The following ZFHX3 variants were observed in gnomAD, a reference collection of about 807,000 sequenced individuals.
ZFHX3 encodes the protein zinc finger homeobox 3, also known as zinc finger homeobox protein 3.
ZFHX3 carries 42 observed loss-of-function variants against 279.1 expected under a neutral mutation model. That is an observed-to-expected ratio of 0.15 (90% CI 0.12 to 0.19). The LOEUF is 0.19. ZFHX3 is among the 10% of genes least tolerant of loss of function. ZFHX3 has a pLI of 1.00. For synonymous variants in ZFHX3, 2,293 were observed against 1,957.8 expected (o/e 1.17, Z -4.52); for missense variants, 4,981 against 4,754.0 (o/e 1.05, Z -1.40).
chr16:73,510,983 A>C (rs1760422234), intron 2 of ZFHX3, among the ~76,000 whole-genome samples: 1 of 152,236 alleles, frequency 6.6e-6, no homozygotes, highest in Non-Finnish European at 1.5e-5. Flanking sequence ...TTGCAGGTAC[A>C]ACCAGACAGG....
intron 5 of ZFHX3, among the ~76,000 whole-genome samples, chr16:73,247,543 G>C (rs1046150307): frequency 6.6e-6 from 1 of 151,676 alleles, no homozygotes; most frequent in Non-Finnish European, 1.5e-5. Context: ...ATGTGTCTGT[G>C]TCTATGTGCC....
chr16:73,082,434 A>AT (rs1004230673), intron 8 of ZFHX3, among the ~76,000 whole-genome samples: 89 of 151,492 alleles, frequency 5.9e-4, no homozygotes, highest in South Asian at 4.2e-4. Context: ...CGCCCGGCTA[A>AT]TTTTTTTTGT....
chr16:73,321,550 A>G (rs771463476), intron 3 of ZFHX3, among the ~76,000 whole-genome samples: 1 of 152,234 alleles, frequency 6.6e-6, no homozygotes, highest in Non-Finnish European at 1.5e-5. Context: ...ACAGACAAAA[A>G]CGTGACTTTC....
intron 3 of ZFHX3, among the ~76,000 whole-genome samples, chr16:73,373,029 A>G (rs530077504): frequency 3.3e-5 from 5 of 152,258 alleles, no homozygotes; most frequent in African/African-American, 1.2e-4. Context: ...TTGAACATCC[A>G]GAGACACACC....
chr16:73,303,097 T>G (rs927466947), intron 4 of ZFHX3, among the ~76,000 whole-genome samples: 1 of 151,896 alleles, frequency 6.6e-6, no homozygotes, highest in Admixed American at 6.6e-5. Context: ...GATGTGATCA[T>G]AGTGCACTGT....
chr16:73,508,871 T>G (rs1428165413), intron 2 of ZFHX3, among the ~76,000 whole-genome samples: 1 of 152,210 alleles, frequency 6.6e-6, no homozygotes, highest in East Asian at 1.9e-4. Context: ...GTAAGAACTG[T>G]GCTGAGTGTC....
intron 1 of ZFHX3, among the ~76,000 whole-genome samples, chr16:73,807,620 ATTTTTTTTTTTTTTTTT>A: frequency 1.4e-5 from 1 of 70,582 alleles, no homozygotes; most frequent in South Asian, 6.3e-4. Flanking sequence ...CCATGCCCCA[ATTTTTTTTTTTTTTTTT>A]TTTTTTTTTT....
intron 3 of ZFHX3, among the ~76,000 whole-genome samples, chr16:73,358,199 C>G (rs563005984): frequency 9.2e-5 from 14 of 152,250 alleles, no homozygotes; most frequent in African/African-American, 3.1e-4. Context: ...ACCGTCCACT[C>G]CCTGGCATCT....
At chr16:73,759,316 G>A (rs2053840384) in intron 1 of ZFHX3, among the ~76,000 whole-genome samples, 1 of 152,224 alleles carries the variant, frequency 6.6e-6, no homozygotes, top group South Asian at 2.1e-4. Context: ...TTCTGCCAGT[G>A]GGAAGGGAAT....
chr16:72,899,151 C>T (rs2038970799), intron 3 of ZFHX3, among the ~76,000 whole-genome samples: 2 of 152,288 alleles, frequency 1.3e-5, no homozygotes, highest in South Asian at 4.1e-4. Flanking sequence ...AAATTTAGGT[C>T]CCCATACAAA....
At chr16:72,919,306 GCACCAC>G (rs1567583771) in intron 3 of ZFHX3, among the ~76,000 whole-genome samples, 1 of 151,956 alleles carries the variant, frequency 6.6e-6, no homozygotes, top group Non-Finnish European at 1.5e-5. Context: ...CTACAGGCGT[GCACCAC>G]CACACCTGGC....
rs201438617 is a variant in ZFHX3, at chr16:72,811,586, G to A, written c.3855C>T (p.Leu1285=). 15 of 1,593,746 alleles carry A rather than the reference G, an allele frequency of 9.4e-6. No individual in the cohort carries two copies. Among genetic ancestry groups the A allele is most frequent in the Middle Eastern group, 1.8e-4 (1 of 5,628 alleles). The change falls in exon 7 of 10, where the codon CTC becomes CTT. Residue 1285 remains leucine (L), a synonymous_variant. Transcript: ENST00000268489. Reference sequence around the variant, plus strand: ...CTCCTGGCTGCCTTACCGTCATAATGAGCTTCTCCACGCAGTCAGGTGCCA... The same window carrying A: ...CTCCTGGCTGCCTTACCGTCATAATAAGCTTCTCCACGCAGTCAGGTGCCA... ...HSVAPDCVEK[L]IMTVTTPEMV...
At position 73,445,981 on chromosome 16, in the gene ZFHX3, G is replaced by T. The variant is rs368826606; in HGVS notation, c.-1291+10022C>A. Among the ~76,000 whole-genome samples, 27 of 152,224 alleles carry T rather than the reference G, an allele frequency of 1.8e-4. No homozygotes were observed. The South Asian group carries it at 5.6e-3, about 32-fold the overall frequency. ...TTTATGATCATCCTTCTCTTTTCTT[G>T]TTTGTTCTTATGCTTCTCTCAGTTC... On this transcript the variant is annotated intron_variant, in intron 3 of 17. Coordinates refer to the ZFHX3 transcript ENST00000641206.
At chr16:73,172,789 T>C (rs1967561363) in intron 5 of ZFHX3, among the ~76,000 whole-genome samples, 2 of 152,128 alleles carry the variant, frequency 1.3e-5, no homozygotes, top group African/African-American at 4.8e-5. Flanking sequence ...ATGAGAAACA[T>C]ATGCTAGGAG....
intron 3 of ZFHX3, among the ~76,000 whole-genome samples, chr16:73,359,141 A>C (rs1019162116): frequency 3.3e-5 from 5 of 151,788 alleles, no homozygotes; most frequent in Admixed American, 1.3e-4. Context: ...TAGGTGCTAC[A>C]TCATGTTCTT....
At chr16:73,037,252 G>C (rs1030964071) in intron 1 of ZFHX3, among the ~76,000 whole-genome samples, 1 of 152,214 alleles carries the variant, frequency 6.6e-6, no homozygotes, top group African/African-American at 2.4e-5. Context: ...TCAAATATCC[G>C]GTTGCTATTC....
intron 2 of ZFHX3, among the ~76,000 whole-genome samples, chr16:73,584,456 C>T (rs896020076): frequency 6.6e-6 from 1 of 152,122 alleles, no homozygotes; most frequent in Non-Finnish European, 1.5e-5. Flanking sequence ...AAGTGAGAAG[C>T]CCACAGAATA....
At chr16:73,343,790 G>A (rs2016078225) in intron 3 of ZFHX3, among the ~76,000 whole-genome samples, 1 of 152,104 alleles carries the variant, frequency 6.6e-6, no homozygotes, top group Admixed American at 6.6e-5. Flanking sequence ...GACAATTTGG[G>A]TATCAAAATA....
At chr16:73,231,579 G>A (rs1054887598) in intron 5 of ZFHX3, among the ~76,000 whole-genome samples, 2 of 152,170 alleles carry the variant, frequency 1.3e-5, no homozygotes. Context: ...TTCCTCCAGG[G>A]ATCAATAGTT....
Sources: gnomAD v4.1 joint callset for allele counts (sites outside exome capture counted in the v4.1 genomes callset) on GRCh38, gnomAD v4.1.1 for gene constraint, MANE v1.5 for transcripts, NCBI Gene and HGNC (gene_info 2026-07-23, HGNC 2026-07-21) for gene names.